Variants in SCAF11 observed in about 807,000 individuals in gnomAD.
SCAF11 encodes SR-related CTD associated factor 11, also known as protein SCAF11.
A neutral mutation model predicts 140.5 loss-of-function variants in SCAF11; 47 were observed. The ratio of observed to expected loss-of-function variants is 0.33; its 90% CI spans 0.26 to 0.43. The LOEUF (loss-of-function observed/expected upper bound fraction) is 0.43, where lower values mean the gene tolerates loss of function less well. Among genes scored for constraint, SCAF11 ranks in the 20% least tolerant of loss-of-function variants. The probability of loss-of-function intolerance (pLI) is 1.00; values close to 1 mark genes in which losing one functional copy is unlikely to be tolerated. For synonymous variants in SCAF11, 557 were observed against 579.4 expected (o/e 0.96, Z 0.55); for missense variants, 1,645 against 1,705.1 (o/e 0.96, Z 0.62).
At position 45,951,947 on chromosome 12, in the gene SCAF11, T is replaced by C. The variant is rs146883801; in HGVS notation, c.220-220A>G. The stretch of plus-strand genomic sequence containing the variant: ...TGATGAACGAGACAGAATCTGTTAT[T>C]AAAATCCCATTAAGATATGCTGCCC... On this transcript the variant is annotated intron_variant, in intron 3 of 14. Transcript: ENST00000369367. Among the ~76,000 whole-genome samples the C allele has an allele frequency of 5.4e-3, 824 of 152,288 alleles. 6 individuals are homozygous for C. Among genetic ancestry groups the C allele is most frequent in the Admixed American group, 9.4e-3 (144 of 15,290 alleles).
chr12:45,959,771 T>C (rs1467727512), intron 3 of SCAF11, among the ~76,000 whole-genome samples: 1 of 152,236 alleles, frequency 6.6e-6, no homozygotes, highest in Non-Finnish European at 1.5e-5. Context: ...AATTTATTAA[T>C]AGATTGCTCT....
intron 1 of SCAF11, among the ~76,000 whole-genome samples, chr12:45,965,807 T>C (rs904753150): frequency 2.0e-5 from 3 of 152,230 alleles, no homozygotes; most frequent in Non-Finnish European, 2.9e-5. Context: ...ATTAAAGGTA[T>C]GAACTCCCCA....
intron 3 of SCAF11, among the ~76,000 whole-genome samples, chr12:45,959,774 A>G (rs565633543): frequency 6.6e-6 from 1 of 152,324 alleles, no homozygotes; most frequent in South Asian, 2.1e-4. Context: ...TTATTAATAG[A>G]TTGCTCTCTT....
chr12:45,988,670 G>A (rs1946518624), intron 1 of SCAF11, among the ~76,000 whole-genome samples: 1 of 152,112 alleles, frequency 6.6e-6, no homozygotes, highest in African/African-American at 2.4e-5. Context: ...TTCTTCTACA[G>A]TTTTCTTCCC....
Position 45,927,434 on chromosome 12 carries a change from T to C in SCAF11, c.2267A>G (p.Asn756Ser). The change falls in exon 11 of 15, where the codon AAT becomes AGT. Residue 756 changes from asparagine to serine, a missense_variant. Physicochemically the swap from Asn to Ser is conservative, Grantham distance 46. Coordinates refer to ENST00000369367, the MANE Select transcript of SCAF11 (RefSeq NM_004719.3). Reference protein sequence around the residue: ...ENSVTHCSENNMPSSDLADEK... With the variant: ...ENSVTHCSENSMPSSDLADEK... ...ATCCGCAAGATCAGAAGACGGCATATTATTTTCAGAACAGTGTGTCACAGA... is the reference window on the plus strand; with the variant it reads ...ATCCGCAAGATCAGAAGACGGCATACTATTTTCAGAACAGTGTGTCACAGA... 5.6e-6 allele frequency: 9 copies of C among 1,613,694 alleles called. No homozygotes were observed. The highest frequency in any genetic ancestry group is 7.6e-6 in the Non-Finnish European group (9 of 1,179,892).
chr12:45,984,686 T>C (rs117882904), intron 1 of SCAF11, among the ~76,000 whole-genome samples: 293 of 151,514 alleles, frequency 1.9e-3, no homozygotes, highest in Non-Finnish European at 3.0e-3. Context: ...GACTTGCTCT[T>C]CGCACTTCCT....
Position 45,982,424 on chromosome 12 carries a change from G to T in SCAF11, c.-22+7929C>A, listed in dbSNP as rs146219962. ...ATTTACATTAAAAAATCACCTATCG[G>T]GGCCGGGTACAGTGGCTCATGACTG... On this transcript the variant is annotated intron_variant, in intron 1 of 14. Transcript: ENST00000369367. Among the ~76,000 whole-genome samples the T allele has an allele frequency of 9.5e-4, 145 of 152,060 alleles. 1 individual carries two copies. Among genetic ancestry groups the T allele is most frequent in the African/African-American group, 3.3e-3 (137 of 41,482 alleles).
rs557869291 is a variant in SCAF11 at position 45,990,568 on chromosome 12, G to C, written c.-237C>G. 8.1e-7 allele frequency: 1 copy of C among 1,231,002 alleles called. No homozygotes were observed. The highest frequency in any genetic ancestry group is 1.0e-6 in the Non-Finnish European group (1 of 987,602). 76.3% of individuals were successfully genotyped at this position (1,231,002 alleles called of 1,614,324 possible). On this transcript the variant is annotated 5_prime_UTR_variant, in exon 1 of 15. Coordinates refer to ENST00000369367, the MANE Select transcript of SCAF11 (RefSeq NM_004719.3). ...GCTGCTCCGCGCGGCTTAAGCCACC[G>C]CTACTCCCCCTTCCCCCGCCTTGTC...
At chr12:45,983,339 A>G (rs1946386918) in intron 1 of SCAF11, among the ~76,000 whole-genome samples, 2 of 152,224 alleles carry the variant, frequency 1.3e-5, no homozygotes, top group Non-Finnish European at 2.9e-5. Flanking sequence ...CCTAGGGCAC[A>G]GACCTAATAG....
intron 1 of SCAF11, among the ~76,000 whole-genome samples, chr12:45,964,560 G>A (rs1220167225): frequency 5.9e-5 from 9 of 151,944 alleles, no homozygotes; most frequent in African/African-American, 9.7e-5. Flanking sequence ...CCAGCTGCTC[G>A]GGAGGTTGAG....
At chr12:45,925,611 A>G (rs943118887) in intron 11 of SCAF11, among the ~76,000 whole-genome samples, 2 of 152,116 alleles carry the variant, frequency 1.3e-5, no homozygotes, top group African/African-American at 4.8e-5. Context: ...CAAAACATAC[A>G]TCAACAATCA....
chr12:45,945,069 G>A, intron 6 of SCAF11, 180 bp downstream of exon 6: 2 of 556,338 alleles, frequency 3.6e-6, no homozygotes, highest in Non-Finnish European at 6.2e-6. Context: ...AGGAAAAAAG[G>A]GGCAGAAAAC....
intron 1 of SCAF11, among the ~76,000 whole-genome samples, chr12:45,972,864 C>CTA (rs1946110649): frequency 1.5e-5 from 1 of 66,312 alleles, no homozygotes; most frequent in Non-Finnish European, 3.2e-5. Context: ...ATATATATAT[C>CTA]GATATATATA....
At chr12:45,951,827 C>T (rs1945557126) in intron 3 of SCAF11, 100 bp from the exon 4 acceptor site, 1 of 751,428 alleles carries the variant, frequency 1.3e-6, no homozygotes, top group Non-Finnish European at 2.1e-6. Context: ...TTATCTCTAT[C>T]TTCGAAAGAA....
chr12:45,924,746 T>C lies in SCAF11; in HGVS notation c.3888A>G (p.Pro1296=). 6.3e-7 allele frequency: 1 copy of C among 1,593,724 alleles called. No individual in the cohort carries two copies. The highest frequency in any genetic ancestry group is 1.1e-5 in the South Asian group (1 of 90,508). ...AACATACCTGCAATTGCTTTCCATCTGGTTGTGAAGCAATGTAGTTGACTT... is the reference window on the plus strand; with the variant it reads ...AACATACCTGCAATTGCTTTCCATCCGGTTGTGAAGCAATGTAGTTGACTT... The part of the protein sequence containing the change: ...SQQVNYIASQ[P]DGKQLQGIPS... Residue 1296 remains proline, a synonymous_variant, in exon 12 of 15, where the codon CCA becomes CCG. Coordinates refer to ENST00000369367, the MANE Select transcript of SCAF11 (RefSeq NM_004719.3).
At position 45,983,742 on chromosome 12, in the gene SCAF11, A is replaced by ACAC. The variant is rs71437739; in HGVS notation, c.-22+6610_-22+6611insGTG. Among the ~76,000 whole-genome samples the ACAC allele has an allele frequency of 1.3e-4, 17 of 133,994 alleles. No individual in the cohort carries two copies. In the East Asian group the frequency reaches 3.9e-3, roughly 31 times the overall value. 87.9% of individuals were successfully genotyped at this position (133,994 alleles called of 152,430 possible). A position where few individuals can be genotyped will look rare whatever the true frequency, so the allele number is the denominator to read the frequency against. On this transcript the variant is annotated intron_variant, in intron 1 of 14. Transcript: ENST00000369367. ...AGGTCTGACTGACTCCTAAACCTAA[A>ACAC]ACACACACACACACACACACACACA...
intron 4 of SCAF11, 150 bp from the exon 5 acceptor site, chr12:45,948,687 C>CT (rs1425896663): frequency 3.4e-6 from 2 of 593,086 alleles, no homozygotes; most frequent in Non-Finnish European, 3.0e-6. Context: ...TTCAAGCATG[C>CT]TAAACCATAA....
At chr12:45,989,750 A>G (rs1946544717) in intron 1 of SCAF11, among the ~76,000 whole-genome samples, 1 of 152,214 alleles carries the variant, frequency 6.6e-6, no homozygotes, top group Admixed American at 6.5e-5. Flanking sequence ...AGTTCAGATC[A>G]AGGAGTGAAA....
chr12:45,943,003 C>T (rs1426915274), intron 6 of SCAF11, among the ~76,000 whole-genome samples: 1 of 152,162 alleles, frequency 6.6e-6, no homozygotes, highest in Non-Finnish European at 1.5e-5. Context: ...CGAGTATGAA[C>T]ATCTAATACT....
Sources: allele counts gnomAD v4.1 joint callset (sites outside exome capture counted in the v4.1 genomes callset), GRCh38; gene constraint gnomAD v4.1.1; transcripts MANE v1.5; gene names NCBI Gene and HGNC (gene_info 2026-07-23, HGNC 2026-07-21).